The following STK40 variants were observed in gnomAD, a reference collection of about 807,000 sequenced individuals.
STK40 encodes the protein serine/threonine kinase 40, also known as serine/threonine-protein kinase 40.
A neutral mutation model predicts 47.9 loss-of-function variants in STK40; 13 were observed. The ratio of observed to expected loss-of-function variants is 0.27; its 90% CI spans 0.18 to 0.43. STK40 has a LOEUF of 0.43. STK40 is among the 20% of genes least tolerant of loss of function. STK40 has a pLI of 1.00. For missense variants in STK40, 460 were observed against 595.1 expected (o/e 0.77, Z 2.36); for synonymous variants, 225 against 243.2 (o/e 0.93, Z 0.69).
At chr1:36,347,219 C>T (rs939203471) in intron 7 of STK40, among the ~76,000 whole-genome samples, 3 of 152,260 alleles carry the variant, frequency 2.0e-5, no homozygotes, top group African/African-American at 4.8e-5. Context: ...GAGGCTGGCT[C>T]GGCCACTGCA....
chr1:36,342,097 C>G (rs919323222), intron 10 of STK40, 124 bp from the exon 11 acceptor site: 11 of 922,120 alleles, frequency 1.2e-5, no homozygotes, highest in Non-Finnish European at 1.8e-5. Context: ...AGGCACCACA[C>G]CCTCAGGCCT....
At chr1:36,366,993 C>T (rs1261526264) in intron 1 of STK40, among the ~76,000 whole-genome samples, 2 of 150,322 alleles carry the variant, frequency 1.3e-5, no homozygotes, top group Non-Finnish European at 2.9e-5. Flanking sequence ...TACCACCACA[C>T]CCAGCTAATT....
chr1:36,358,697 C>T (rs1646826670), intron 3 of STK40, 40 bp downstream of exon 3: 2 of 1,605,570 alleles, frequency 1.2e-6, no homozygotes, highest in Admixed American at 1.7e-5. Flanking sequence ...GCATGACAGG[C>T]CCTGTTCCTG....
rs756324212 is a variant in STK40 at position 36,355,485 on chromosome 1, A to G, written c.343-52T>C. 7 of 1,586,288 alleles carry G rather than the reference A, an allele frequency of 4.4e-6. No individual in the cohort carries two copies. The Admixed American group carries it at 8.3e-5, about 19-fold the overall frequency. On this transcript the variant is annotated intron_variant, in intron 4 of 10. Coordinates refer to ENST00000373132, the MANE Select transcript of STK40 (RefSeq NM_001282547.2). ...CTTGGCTGTGAACTTGGCAGGGCCAAGGCCAGGGCCTGGGACTCTCCTCTG... is the reference window on the plus strand; with the variant it reads ...CTTGGCTGTGAACTTGGCAGGGCCAGGGCCAGGGCCTGGGACTCTCCTCTG...
intron 7 of STK40, among the ~76,000 whole-genome samples, chr1:36,345,225 C>T (rs554083217): frequency 2.6e-5 from 4 of 152,366 alleles, no homozygotes; most frequent in South Asian, 4.1e-4. Context: ...AACACAACTC[C>T]GTTCTCCGTG....
chr1:36,382,084 G>A (rs1647044136), intron 1 of STK40, among the ~76,000 whole-genome samples: 1 of 152,164 alleles, frequency 6.6e-6, no homozygotes, highest in African/African-American at 2.4e-5. Context: ...ACTCATCAGT[G>A]TGTGTGATGC....
intron 1 of STK40, among the ~76,000 whole-genome samples, chr1:36,385,145 G>C (rs1430205330): frequency 6.6e-6 from 1 of 152,186 alleles, no homozygotes; most frequent in African/African-American, 2.4e-5. Context: ...TGACCGGCTC[G>C]GCAGGTGAAA....
chr1:36,370,427 A>C (rs1646935424), intron 1 of STK40, among the ~76,000 whole-genome samples: 2 of 152,142 alleles, frequency 1.3e-5, no homozygotes, highest in South Asian at 4.1e-4. Context: ...GGTCAGAAAA[A>C]TTCCAACCAC....
At chr1:36,380,131 T>C (rs932503501) in intron 1 of STK40, among the ~76,000 whole-genome samples, 7 of 152,194 alleles carry the variant, frequency 4.6e-5, no homozygotes, top group African/African-American at 1.7e-4. Flanking sequence ...AGGATCTTGA[T>C]TACAGAGCCT....
At chr1:36,367,856 C>T (rs1207907835) in intron 1 of STK40, 1 of 985,480 alleles carries the variant, frequency 1.0e-6, no homozygotes, top group Non-Finnish European at 1.2e-6. Flanking sequence ...ACCTACTTGA[C>T]ATACAGTAAG....
intron 4 of STK40, among the ~76,000 whole-genome samples, chr1:36,356,033 C>T (rs1241178225): frequency 6.6e-6 from 1 of 152,110 alleles, no homozygotes; most frequent in Admixed American, 6.5e-5. Context: ...TGGGTTCAGG[C>T]CCCAGCCACC....
intron 2 of STK40, among the ~76,000 whole-genome samples, chr1:36,359,283 G>A (rs1329205722): frequency 6.6e-6 from 1 of 152,172 alleles, no homozygotes; most frequent in Admixed American, 6.5e-5. Flanking sequence ...GAGCATACCT[G>A]TAGACCCAGC....
intron 2 of STK40, among the ~76,000 whole-genome samples, chr1:36,360,448 T>C (rs1046121882): frequency 1.3e-5 from 2 of 152,248 alleles, no homozygotes; most frequent in Admixed American, 6.5e-5. Context: ...AAATGCTTTG[T>C]GAAATTATGC....
intron 1 of STK40, among the ~76,000 whole-genome samples, chr1:36,375,518 A>T (rs958425210): frequency 6.6e-6 from 1 of 151,818 alleles, no homozygotes; most frequent in Non-Finnish European, 1.5e-5. Flanking sequence ...AAAAAAAAAA[A>T]AGAGAAATGT....
At chr1:36,358,610 T>C in intron 3 of STK40, 127 bp downstream of exon 3, 1 of 1,179,764 alleles carries the variant, frequency 8.5e-7, no homozygotes. Context: ...TGAACTTGAT[T>C]GCTTCTCGGG....
At chr1:36,384,273 G>A (rs1308239974) in intron 1 of STK40, among the ~76,000 whole-genome samples, 7 of 152,018 alleles carry the variant, frequency 4.6e-5, no homozygotes, top group Admixed American at 3.3e-4. Context: ...CAGGTGATCC[G>A]CCCGCCTCGG....
intron 1 of STK40, among the ~76,000 whole-genome samples, chr1:36,381,194 CA>C (rs1447223525): frequency 6.6e-6 from 1 of 152,172 alleles, no homozygotes; most frequent in African/African-American, 2.4e-5. Context: ...AACCTCTCCC[CA>C]ACCCACTCCA....
chr1:36,343,073 G>C, intron 10 of STK40: 2 of 605,830 alleles, frequency 3.3e-6, no homozygotes, highest in Non-Finnish European at 5.9e-6. Flanking sequence ...TGTGACTTGG[G>C]CAGCAGGAGG....
At chr1:36,366,572 C>T (rs564643958) in intron 1 of STK40, among the ~76,000 whole-genome samples, 9 of 152,248 alleles carry the variant, frequency 5.9e-5, no homozygotes, top group Non-Finnish European at 8.8e-5. Flanking sequence ...TCTGGCTGTG[C>T]GTCCCTCCAG....
Sources: allele counts gnomAD v4.1 joint callset (sites outside exome capture counted in the v4.1 genomes callset), GRCh38; gene constraint gnomAD v4.1.1; transcripts MANE v1.5; gene names NCBI Gene and HGNC (gene_info 2026-07-23, HGNC 2026-07-21).